The following VPS13A variants were observed in gnomAD, a reference collection of about 807,000 sequenced individuals.
The protein encoded by VPS13A is intermembrane lipid transfer protein VPS13A.
In VPS13A, 264 loss-of-function variants were observed where a neutral mutation model predicts 390.9. That is an observed-to-expected ratio of 0.68 (90% confidence interval 0.61 to 0.75). The LOEUF is 0.75. VPS13A is among the 30% of genes least tolerant of loss of function. The probability of loss-of-function intolerance (pLI) is 0.00; values close to 1 mark genes in which losing one functional copy is unlikely to be tolerated. For missense variants in VPS13A, 3,409 were observed against 3,733.9 expected (o/e 0.91, Z 2.27); for synonymous variants, 1,231 against 1,227.1 (o/e 1.00, Z -0.07).
chr9:77,396,178 C>T (rs1394484289), intron 68 of VPS13A, among the ~76,000 whole-genome samples: 1 of 152,176 alleles, frequency 6.6e-6, no homozygotes, highest in Non-Finnish European at 1.5e-5. Flanking sequence ...GTACATATAA[C>T]TATTTGATGA....
intron 71 of VPS13A, among the ~76,000 whole-genome samples, chr9:77,412,273 C>G (rs992205393): frequency 1.3e-5 from 2 of 152,140 alleles, no homozygotes; most frequent in African/African-American, 4.8e-5. Flanking sequence ...ATACCAAAGC[C>G]TGGCAGAGAC....
At chr9:77,327,064 C>G (rs11999113) in intron 45 of VPS13A, among the ~76,000 whole-genome samples, 3,619 of 152,268 alleles carry the variant, frequency 0.024, 114 homozygotes, top group African/African-American at 0.069. Context: ...ACACAGCAGA[C>G]TAGAAACTCA....
intron 61 of VPS13A, 32 bp from the exon 62 acceptor site, chr9:77,368,023 G>A (rs756680793): frequency 2.0e-5 from 32 of 1,573,022 alleles, no homozygotes; most frequent in South Asian, 3.4e-5. Flanking sequence ...TCATACACAT[G>A]TACAGACAAT....
At chr9:77,379,931 T>C (rs1178213430) in intron 67 of VPS13A, among the ~76,000 whole-genome samples, 1 of 152,178 alleles carries the variant, frequency 6.6e-6, no homozygotes, top group African/African-American at 2.4e-5. Flanking sequence ...TGGTATCCAT[T>C]TTTGAAAGTA....
intron 23 of VPS13A, among the ~76,000 whole-genome samples, chr9:77,266,561 T>C (rs1826048277): frequency 6.6e-6 from 1 of 152,324 alleles, no homozygotes; most frequent in African/African-American, 2.4e-5. Flanking sequence ...CCTTTGTGGG[T>C]AACCTGACGT....
intron 1 of VPS13A, among the ~76,000 whole-genome samples, chr9:77,182,876 CAT>C (rs1364965028): frequency 7.2e-5 from 11 of 152,034 alleles, no homozygotes; most frequent in Non-Finnish European, 1.5e-5. Context: ...ATAATAGAAT[CAT>C]GTGTTTAGTG....
In VPS13A at chr9:77,275,648, C is replaced by T; in HGVS notation, c.2663C>T (p.Pro888Leu). Reference protein sequence around the residue: ...MTTFKIRFEVPKVLIEFYHLV... With the variant: ...MTTFKIRFEVLKVLIEFYHLV... ...ACATTTAAAATAAGATTTGAAGTAC[C>T]AAAGGTAGGTACTACGGTAAAATTA... is the stretch of plus-strand genomic sequence containing the variant. The change falls in exon 25 of 72, where the codon CCA becomes CTA. Residue 888 changes from proline to leucine, a missense_variant. Transcript: ENST00000360280. 6.2e-7 allele frequency: 1 copy of T among 1,612,922 alleles called. No individual in the cohort carries two copies. Among genetic ancestry groups the T allele is most frequent in the Non-Finnish European group, 8.5e-7 (1 of 1,179,274 alleles).
intron 59 of VPS13A, among the ~76,000 whole-genome samples, chr9:77,362,179 T>G (rs1832183243): frequency 6.6e-6 from 1 of 152,146 alleles, no homozygotes; most frequent in Admixed American, 6.6e-5. Flanking sequence ...TTCAAATTAT[T>G]TTTTATTTTG....
At chr9:77,259,592 A>G (rs1825642841) in intron 22 of VPS13A, among the ~76,000 whole-genome samples, 1 of 152,180 alleles carries the variant, frequency 6.6e-6, no homozygotes, top group Non-Finnish European at 1.5e-5. Context: ...GAGACTGTCA[A>G]GGCAATTAAA....
At chr9:77,399,893 TTTCA>T (rs766806100) in intron 68 of VPS13A, among the ~76,000 whole-genome samples, 3 of 152,188 alleles carry the variant, frequency 2.0e-5, no homozygotes, top group Non-Finnish European at 2.9e-5. Flanking sequence ...CATTTCTACT[TTTCA>T]TTCTATACAT....
chr9:77,417,577 G>A lies in VPS13A; in HGVS notation c.*1571G>A, dbSNP rs945943157. On this transcript the variant is annotated 3_prime_UTR_variant, in exon 72 of 72. Transcript: ENST00000360280. ...AAAAAAAGTGCTTATTTTCTCTGTC[G>A]CTAAGCTCCTCCAGTTTTGCTTTTG... is the stretch of plus-strand genomic sequence containing the variant. The A allele has an allele frequency of 6.6e-6, 1 of 150,758 alleles. No individual in the cohort carries two copies. Among genetic ancestry groups the A allele is most frequent in the Non-Finnish European group, 1.5e-5 (1 of 67,848 alleles). 9.3% of individuals were successfully genotyped at this position (150,758 alleles called of 1,614,324 possible). A position where few individuals can be genotyped will look rare whatever the true frequency, so the allele number is the denominator to read the frequency against.
At chr9:77,408,399 C>T (rs540344159) in intron 71 of VPS13A, among the ~76,000 whole-genome samples, 1 of 152,316 alleles carries the variant, frequency 6.6e-6, no homozygotes, top group Non-Finnish European at 1.5e-5. Flanking sequence ...GCATTTCCAG[C>T]TGAGGTACTG....
chr9:77,243,687 T>G (rs1824638279), intron 19 of VPS13A, among the ~76,000 whole-genome samples: 2 of 152,202 alleles, frequency 1.3e-5, no homozygotes, highest in South Asian at 4.1e-4. Context: ...AATCTATATG[T>G]CAGACACTAT....
In VPS13A at chr9:77,307,103, C is replaced by A. The variant is rs375119112; in HGVS notation, c.3961-842C>A. ...ATTTTCGGTAGAGTCGGGGTTTCAC[C>A]GTGTTGGCTGGGCTGTTCTCTTAAC... is the stretch of plus-strand genomic sequence containing the variant. On this transcript the variant is annotated intron_variant, in intron 34 of 71. Coordinates refer to ENST00000360280, the MANE Select transcript of VPS13A (RefSeq NM_033305.3). Among the ~76,000 whole-genome samples, 22 of 152,018 alleles carry A rather than the reference C, an allele frequency of 1.4e-4. No individual in the cohort carries two copies. In the South Asian group the frequency reaches 4.6e-3, roughly 32 times the overall value.
At chr9:77,410,982 T>C (rs1564000882) in intron 71 of VPS13A, among the ~76,000 whole-genome samples, 2 of 152,160 alleles carry the variant, frequency 1.3e-5, no homozygotes, top group Non-Finnish European at 2.9e-5. Flanking sequence ...CAACAGAATA[T>C]ACATTCTTTT....
Position 77,207,252 on chromosome 9 carries a change from T to TATATTA in VPS13A, c.385+1174_385+1175insTATTAA. On this transcript the variant is annotated intron_variant, in intron 5 of 71. Coordinates refer to ENST00000360280, the MANE Select transcript of VPS13A (RefSeq NM_033305.3). ...ATATATATATATATATATATATATA[T>TATATTA]AAAACGTGTTATATGTAACATAACA... Among the ~76,000 whole-genome samples the TATATTA allele has an allele frequency of 7.1e-3, 615 of 87,214 alleles. 16 individuals carry two copies. Among genetic ancestry groups the TATATTA allele is most frequent in the African/African-American group, 0.017 (416 of 24,650 alleles). The allele number at this position is 87,214 out of a possible 152,430, so 57.2% of individuals were successfully genotyped here. A position where few individuals can be genotyped will look rare whatever the true frequency, so the allele number is the denominator to read the frequency against.
At chr9:77,219,458 G>C (rs1431860550) in intron 10 of VPS13A, among the ~76,000 whole-genome samples, 1 of 152,072 alleles carries the variant, frequency 6.6e-6, no homozygotes, top group Non-Finnish European at 1.5e-5. Context: ...TATGGGTTCA[G>C]CCAAGCAGGT....
intron 62 of VPS13A, among the ~76,000 whole-genome samples, chr9:77,368,386 T>A (rs887509952): frequency 6.6e-6 from 1 of 152,242 alleles, no homozygotes; most frequent in African/African-American, 2.4e-5. Context: ...TAAATAAATC[T>A]TTAAATAAAA....
At chr9:77,334,780 C>A (rs979729661) in intron 46 of VPS13A, among the ~76,000 whole-genome samples, 1 of 152,046 alleles carries the variant, frequency 6.6e-6, no homozygotes, top group Non-Finnish European at 1.5e-5. Context: ...AAGGTTTTGT[C>A]TTTAAGTATT....
Sources: allele counts gnomAD v4.1 joint callset (sites outside exome capture counted in the v4.1 genomes callset), GRCh38; gene constraint gnomAD v4.1.1; transcripts MANE v1.5; gene names NCBI Gene and HGNC (gene_info 2026-07-23, HGNC 2026-07-21).